GNRH1: variants seen among roughly 807,000 people sequenced by gnomAD.
GNRH1 encodes the protein progonadoliberin-1.
A neutral mutation model predicts 13.6 loss-of-function variants in GNRH1; 9 were observed. The ratio of observed to expected loss-of-function variants is 0.66; its 90% CI spans 0.40 to 1.15. The LOEUF (loss-of-function observed/expected upper bound fraction) is 1.15. Ranked by LOEUF, GNRH1 falls within the 50% of genes most tolerant of loss-of-function variation. GNRH1 has a pLI of 0.01. For synonymous variants in GNRH1, 44 were observed against 40.1 expected, an observed-to-expected ratio of 1.10 and a Z score of -0.37; for missense variants, 116 against 110.8, an observed-to-expected ratio of 1.05 and a Z score of -0.21.
chr8:25,421,781 G>GGGGA, intron 2 of GNRH1, 113 bp from the exon 3 acceptor site: 2 of 513,218 alleles, frequency 3.9e-6, no homozygotes, highest in African/African-American at 2.0e-5. Flanking sequence ...GGGGCTGGGG[G>GGGGA]AGATTGGGAA....
At chr8:25,422,950 A>T (rs1801793316) in intron 2 of GNRH1, among the ~76,000 whole-genome samples, 2 of 152,312 alleles carry the variant, frequency 1.3e-5, no homozygotes, top group East Asian at 3.9e-4. Context: ...TCAGAGTATG[A>T]CGTGCTGTCT....
Position 25,423,233 on chromosome 8 carries a change from C to G in GNRH1, c.98G>C (p.Gly33Ala), listed in dbSNP as rs747927684. ...SQHWSYGLRP[G>A]GKRDAENLID... ...CAAATTTTCGGCATCTCTCTTTCCTCCAGGGCGCAGTCCATAGGACCAGTG... is the reference window on the plus strand; with the variant it reads ...CAAATTTTCGGCATCTCTCTTTCCTGCAGGGCGCAGTCCATAGGACCAGTG... Residue 33 changes from glycine (G) to alanine (A), a missense_variant, in exon 2 of 4, where the codon GGA becomes GCA. Gly to Ala is a moderately conservative substitution (Grantham distance 60). Transcript: ENST00000421054. 7.4e-6 allele frequency: 12 copies of G among 1,613,028 alleles called. No individual in the cohort carries two copies. In the East Asian group the frequency reaches 2.7e-4, roughly 36 times the overall value.
chr8:25,421,623 A>C lies in GNRH1; in HGVS notation c.187T>G (p.Cys63Gly), dbSNP rs1354352642. 2.5e-6 allele frequency: 4 copies of C among 1,607,630 alleles called. No homozygotes were observed. Among genetic ancestry groups the C allele is most frequent in the Non-Finnish European group, 3.4e-6 (4 of 1,175,932 alleles). Reference protein sequence around the residue: ...GQLAETQRFECTTHQPRSPLR... With the variant: ...GQLAETQRFEGTTHQPRSPLR... ...GGAGAACGTGGCTGGTGCGTGGTGC[A>C]TTCGAAGCGTTGGGTTTCTGCCAGT... The change falls in exon 3 of 4, where the codon TGC (cysteine) becomes GGC (glycine). Residue 63 changes from cysteine to glycine, a missense_variant. Cys to Gly is a radical substitution (Grantham distance 159, BLOSUM62 -3). Coordinates refer to ENST00000421054, the MANE Select transcript of GNRH1 (RefSeq NM_001083111.2).
intron 3 of GNRH1, among the ~76,000 whole-genome samples, 168 bp from the exon 4 acceptor site, chr8:25,419,628 T>G (rs1227460307): frequency 2.0e-5 from 3 of 151,696 alleles, no homozygotes; most frequent in Non-Finnish European, 2.9e-5. Context: ...TTTTCTGGTT[T>G]TTTTTTTTTT....
chr8:25,419,481 A>C (rs756235065), intron 3 of GNRH1, 21 bp from the exon 4 acceptor site: 9 of 1,191,956 alleles, frequency 7.6e-6, no homozygotes, highest in Non-Finnish European at 1.1e-5. Flanking sequence ...TATAACAAAT[A>C]TATCAAGACT....
chr8:25,420,193 A>T (rs1801752723), intron 3 of GNRH1, among the ~76,000 whole-genome samples: 1 of 151,346 alleles, frequency 6.6e-6, no homozygotes, highest in African/African-American at 2.4e-5. Flanking sequence ...AGGTGGGCGG[A>T]TCACAAGGTT....
chr8:25,422,870 A>G (rs745620272), intron 2 of GNRH1, among the ~76,000 whole-genome samples: 3 of 152,212 alleles, frequency 2.0e-5, no homozygotes, highest in African/African-American at 7.2e-5. Context: ...CCAAATCCCA[A>G]AGAATCATCT....
At chr8:25,422,055 T>C (rs889269752) in intron 2 of GNRH1, among the ~76,000 whole-genome samples, 6 of 152,304 alleles carry the variant, frequency 3.9e-5, no homozygotes, top group African/African-American at 1.4e-4. Flanking sequence ...TATAGTTCAA[T>C]GAGATTTGCT....
At chr8:25,423,583 AC>A (rs1296878874) in intron 1 of GNRH1, 1 of 507,138 alleles carries the variant, frequency 2.0e-6, no homozygotes, top group African/African-American at 1.9e-5. Context: ...AATAGTCTAT[AC>A]TTTTATTTTT....
intron 1 of GNRH1, 94 bp from the exon 2 acceptor site, chr8:25,423,425 C>T: frequency 9.4e-7 from 1 of 1,067,394 alleles, no homozygotes; most frequent in Non-Finnish European, 1.4e-6. Context: ...ATCTGTATCA[C>T]TAACCCTGCA....
rs1341043697 is a variant in GNRH1, at chr8:25,419,429, T to C, written c.269A>G (p.Lys90Arg). The C allele has an allele frequency of 1.3e-6, 2 of 1,486,338 alleles. No homozygotes were observed. Among genetic ancestry groups the C allele is most frequent in the Non-Finnish European group, 1.9e-6 (2 of 1,063,790 alleles). 92.1% of individuals were successfully genotyped at this position (1,486,338 alleles called of 1,614,324 possible). The change falls in exon 4 of 4, where the codon AAG (lysine) becomes AGG (arginine). Residue 90 changes from lysine to arginine, a missense_variant. Coordinates refer to ENST00000421054, the MANE Select transcript of GNRH1 (RefSeq NM_001083111.2). The part of the protein sequence containing the change: ...ESLIEEETGQ[K>R]KI The stretch of plus-strand genomic sequence containing the variant: ...TCTGGCCCAATGGATTTAAATCTTC[T>C]TCTGCCCAGTTTCCTCTTCAATCAG...
chr8:25,420,975 T>A (rs1407738094), intron 3 of GNRH1, among the ~76,000 whole-genome samples: 1 of 152,224 alleles, frequency 6.6e-6, no homozygotes, highest in Non-Finnish European at 1.5e-5. Context: ...ATGATTAGTG[T>A]ATTTCCATTT....
At chr8:25,423,526 C>T (rs371516320) in intron 1 of GNRH1, 195 bp from the exon 2 acceptor site, 26 of 609,468 alleles carry the variant, frequency 4.3e-5, no homozygotes, top group East Asian at 3.1e-4. Context: ...CCACTGGGGA[C>T]AAAATGAGTA....
chr8:25,420,015 A>C (rs1171498964), intron 3 of GNRH1, among the ~76,000 whole-genome samples: 1 of 152,230 alleles, frequency 6.6e-6, no homozygotes, highest in African/African-American at 2.4e-5. Flanking sequence ...AAGTCTGGTC[A>C]ATTACTTTGC....
Position 25,423,267 on chromosome 8 carries a change from A to G in GNRH1, c.64T>C (p.Ser22Pro). 6.2e-7 allele frequency: 1 copy of G among 1,612,064 alleles called. No homozygotes were observed. The highest frequency in any genetic ancestry group is 8.5e-7 in the Non-Finnish European group (1 of 1,178,094). ...ILLTWCVEGC[S>P]SQHWSYGLRP... Reference sequence around the variant, plus strand: ...AGTCCATAGGACCAGTGCTGGCTGGAGCAGCCTTCCACGCACCAAGTCAGT... The same window carrying G: ...AGTCCATAGGACCAGTGCTGGCTGGGGCAGCCTTCCACGCACCAAGTCAGT... Residue 22 changes from serine (S) to proline (P), a missense_variant, in exon 2 of 4, where the codon TCC becomes CCC. Physicochemically the swap from Ser to Pro is moderately conservative, Grantham distance 74. Coordinates refer to ENST00000421054, the MANE Select transcript of GNRH1 (RefSeq NM_001083111.2).
intron 2 of GNRH1, 77 bp from the exon 3 acceptor site, chr8:25,421,745 G>C (rs1380408242): frequency 3.0e-6 from 2 of 673,906 alleles, no homozygotes; most frequent in African/African-American, 3.6e-5. Flanking sequence ...CCAAAAAATT[G>C]TGGAGAGTGG....
At chr8:25,421,692 T>C (rs1801775813) in intron 2 of GNRH1, 24 bp from the exon 3 acceptor site, 2 of 1,208,578 alleles carry the variant, frequency 1.7e-6, no homozygotes, top group Non-Finnish European at 2.5e-6. Flanking sequence ...ATGTGATGCT[T>C]TGAGATGGAG....
Position 25,423,187 on chromosome 8 carries a change from T to G in GNRH1, c.141+3A>C. 6.2e-7 allele frequency: 1 copy of G among 1,604,344 alleles called. No homozygotes were observed. The highest frequency in any genetic ancestry group is 8.5e-7 in the Non-Finnish European group (1 of 1,171,092). On this transcript the variant is annotated splice_donor_region_variant and intron_variant, in intron 2 of 3. Coordinates refer to ENST00000421054, the MANE Select transcript of GNRH1 (RefSeq NM_001083111.2). ...TCTTATTTTGAAGCTGAGAGAAACT[T>G]ACCTCTTGGAAAGAATCAATCAAAT... is the stretch of plus-strand genomic sequence containing the variant.
intron 2 of GNRH1, among the ~76,000 whole-genome samples, chr8:25,422,687 T>C (rs1043738182): frequency 8.5e-5 from 13 of 152,332 alleles, no homozygotes; most frequent in African/African-American, 3.1e-4. Context: ...AATTCCTGTA[T>C]TCTACCAGTC....
Sources: allele counts gnomAD v4.1 joint callset (sites outside exome capture counted in the v4.1 genomes callset), GRCh38; gene constraint gnomAD v4.1.1; transcripts MANE v1.5; gene names NCBI Gene and HGNC (gene_info 2026-07-23, HGNC 2026-07-21).